The following ARK2C variants were observed in gnomAD, a reference collection of about 807,000 sequenced individuals.
ARK2C encodes the protein E3 ubiquitin-protein ligase ARK2C.
the ARK2C span, among the ~76,000 whole-genome samples, chr18:46,340,153 C>G: frequency 6.6e-6 from 1 of 152,132 alleles, no homozygotes; most frequent in African/African-American, 2.4e-5. Flanking sequence ...TGTAAAAATT[C>G]CCGGCTTAAC....
chr18:46,447,336 G>A, the ARK2C span: 1 of 474,934 alleles, frequency 2.1e-6, no homozygotes, highest in Non-Finnish European at 3.7e-6. Flanking sequence ...AAATTTCATA[G>A]AGCCTGGATT....
the ARK2C span, chr18:46,462,065 T>G: frequency 6.6e-6 from 1 of 152,306 alleles, no homozygotes; most frequent in Admixed American, 6.5e-5. Flanking sequence ...GCTCCTGGCA[T>G]CTCCTCTGTG....
the ARK2C span, chr18:46,458,189 A>T: frequency 1.3e-5 from 2 of 152,522 alleles, no homozygotes; most frequent in Non-Finnish European, 2.9e-5. Flanking sequence ...GTGCTGGGAG[A>T]CACAGACCTG....
the ARK2C span, among the ~76,000 whole-genome samples, chr18:46,354,816 T>C: frequency 4.2e-4 from 64 of 152,252 alleles, no homozygotes; most frequent in African/African-American, 1.5e-3. Context: ...ATTTTGTGTG[T>C]GCTCCATACA....
chr18:46,428,323 G>A, the ARK2C span, among the ~76,000 whole-genome samples: 1 of 152,140 alleles, frequency 6.6e-6, no homozygotes, highest in Non-Finnish European at 1.5e-5. Context: ...GCAGGAGAAT[G>A]GCTTGAACCT....
chr18:46,377,152 T>A, the ARK2C span, among the ~76,000 whole-genome samples: 4 of 152,178 alleles, frequency 2.6e-5, no homozygotes, highest in African/African-American at 9.7e-5. Flanking sequence ...ATTATTTAAA[T>A]TGCAAATATA....
At chr18:46,460,328 G>A in the ARK2C span, 7 of 152,052 alleles carry the variant, frequency 4.6e-5, no homozygotes, top group East Asian at 1.9e-4. Flanking sequence ...TCCTGCGCGC[G>A]TAGAGCAAAT....
chr18:46,435,722 G>T, the ARK2C span, among the ~76,000 whole-genome samples: 1 of 152,200 alleles, frequency 6.6e-6, no homozygotes, highest in Admixed American at 6.5e-5. Context: ...GTGGTCCCTG[G>T]GGGGAGAGCA....
the ARK2C span, among the ~76,000 whole-genome samples, chr18:46,372,616 A>G: frequency 1.3e-5 from 2 of 152,172 alleles, no homozygotes; most frequent in African/African-American, 2.4e-5. Context: ...CTGGGTTCCA[A>G]TGAGAGAGGC....
chr18:46,447,867 A>G, the ARK2C span, among the ~76,000 whole-genome samples: 1 of 141,814 alleles, frequency 7.1e-6, no homozygotes. Flanking sequence ...CCATGCCCTG[A>G]CTCCCTTGTG....
the ARK2C span, among the ~76,000 whole-genome samples, chr18:46,424,022 A>G: frequency 2.6e-5 from 4 of 152,298 alleles, no homozygotes; most frequent in African/African-American, 7.2e-5. Flanking sequence ...AACAAAGGGC[A>G]TTTACTGCAT....
At chr18:46,336,612 A>C in the ARK2C span, 1 of 985,468 alleles carries the variant, frequency 1.0e-6, no homozygotes, top group Admixed American at 6.1e-5. Context: ...GCCAGCTTAA[A>C]TCTGTTCTTT....
the ARK2C span, among the ~76,000 whole-genome samples, chr18:46,350,644 G>C: frequency 3.1e-3 from 470 of 152,276 alleles, 4 homozygotes; most frequent in South Asian, 0.014. Context: ...CTCCTGCCAC[G>C]CTCGGTGGTG....
the ARK2C span, chr18:46,335,760 G>C: frequency 3.4e-6 from 1 of 296,792 alleles, no homozygotes; most frequent in Non-Finnish European, 5.0e-6. Context: ...CCCCAGCCCC[G>C]CGCCTCTCCC....
the ARK2C span, among the ~76,000 whole-genome samples, chr18:46,429,246 GATTT>G: frequency 2.6e-5 from 4 of 152,178 alleles, no homozygotes; most frequent in Non-Finnish European, 4.4e-5. Flanking sequence ...TTTTTGCAAA[GATTT>G]ATTTTTAAAA....
the ARK2C span, among the ~76,000 whole-genome samples, chr18:46,428,317 G>A: frequency 1.3e-5 from 2 of 152,230 alleles, no homozygotes; most frequent in Non-Finnish European, 2.9e-5. Context: ...GCTGAGGCAG[G>A]AGAATGGCTT....
chr18:46,352,542 C>T, the ARK2C span, among the ~76,000 whole-genome samples: 76 of 152,268 alleles, frequency 5.0e-4, no homozygotes, highest in East Asian at 0.013. Context: ...GAGTGGTGCT[C>T]AATATCAAGG....
At chr18:46,365,628 C>G in the ARK2C span, among the ~76,000 whole-genome samples, 1 of 152,142 alleles carries the variant, frequency 6.6e-6, no homozygotes, top group Non-Finnish European at 1.5e-5. Context: ...CTCAGCCTCC[C>G]CAGTAGCTAG....
At chr18:46,353,891 C>T in the ARK2C span, among the ~76,000 whole-genome samples, 1 of 152,184 alleles carries the variant, frequency 6.6e-6, no homozygotes, top group Admixed American at 6.5e-5. Context: ...CTAGGTCACT[C>T]TGCCTCCCAT....
Sources: gnomAD v4.1 joint callset for allele counts (sites outside exome capture counted in the v4.1 genomes callset) on GRCh38, gnomAD v4.1.1 for gene constraint, MANE v1.5 for transcripts, NCBI Gene and HGNC (gene_info 2026-07-23, HGNC 2026-07-21) for gene names.